The following TENM2 variants were observed in gnomAD, a reference collection of about 807,000 sequenced individuals.
TENM2 encodes the protein teneurin-2.
Under a neutral mutation model 245.2 loss-of-function variants are expected in TENM2, and 52 were observed. The observed-to-expected ratio is 0.21, with a 90% confidence interval of 0.17 to 0.27. The LOEUF (loss-of-function observed/expected upper bound fraction) is 0.27. Among genes scored for constraint, TENM2 ranks in the 10% least tolerant of loss-of-function variants. The pLI is 1.00. For synonymous variants in TENM2, 1,363 were observed against 1,438.9 expected (o/e 0.95, Z 1.19); for missense variants, 3,046 against 3,666.8 (o/e 0.83, Z 4.37).
intron 2 of TENM2, among the ~76,000 whole-genome samples, chr5:167,569,568 C>T (rs768098192): frequency 3.9e-5 from 6 of 152,054 alleles, no homozygotes; most frequent in Non-Finnish European, 5.9e-5. Context: ...TGTGTGATGT[C>T]GGGTAAGTTA....
intron 2 of TENM2, among the ~76,000 whole-genome samples, chr5:167,560,198 G>T (rs1283298647): frequency 6.6e-6 from 1 of 152,150 alleles, no homozygotes; most frequent in Admixed American, 6.5e-5. Flanking sequence ...ATCAAAACCT[G>T]CATTTTAACA....
intron 3 of TENM2, among the ~76,000 whole-genome samples, chr5:167,942,160 A>G (rs1200919012): frequency 6.6e-6 from 1 of 152,158 alleles, no homozygotes; most frequent in Non-Finnish European, 1.5e-5. Flanking sequence ...GTAAGCCAAG[A>G]TGGCGCCACT....
chr5:167,390,524 C>T (rs1195935023), intron 2 of TENM2, among the ~76,000 whole-genome samples: 3 of 152,084 alleles, frequency 2.0e-5, no homozygotes, highest in East Asian at 3.9e-4. Context: ...ACAGTGGTGG[C>T]CCTGCTATTG....
intron 2 of TENM2, among the ~76,000 whole-genome samples, chr5:167,465,241 A>G (rs533596550): frequency 1.3e-5 from 2 of 152,360 alleles, no homozygotes; most frequent in East Asian, 3.9e-4. Context: ...GCATTCTAAT[A>G]TGGCTTTTTT....
At chr5:167,098,680 G>A in the TENM2 span, among the ~76,000 whole-genome samples, 45 of 152,206 alleles carry the variant, frequency 3.0e-4, no homozygotes, top group East Asian at 8.5e-3. Context: ...GCCCCTTAAG[G>A]AGGGAATGGT....
In TENM2 at chr5:168,247,563, C is replaced by T. The variant is rs753336919; in HGVS notation, c.6624C>T (p.Asp2208=). The change falls in exon 27 of 29, where the codon GAC becomes GAT. Residue 2208 remains aspartate (D), a synonymous_variant. Coordinates refer to ENST00000518659, the Ensembl canonical transcript of TENM2. The surrounding 1 kb of genome is among the most constrained non-coding windows in gnomAD (Gnocchi z 7.8). ...AGTACACCTATGACTACGATGGGGACGGGCAGCTCCAGAGCGTGGCCGTCA... is the reference window on the plus strand; with the variant it reads ...AGTACACCTATGACTACGATGGGGATGGGCAGCTCCAGAGCGTGGCCGTCA... 1.2e-5 allele frequency: 19 copies of T among 1,612,740 alleles called. No individual in the cohort carries two copies. In the East Asian group the frequency reaches 1.8e-4, roughly 15 times the overall value.
chr5:167,096,527 C>T, the TENM2 span, among the ~76,000 whole-genome samples: 1 of 152,166 alleles, frequency 6.6e-6, no homozygotes, highest in African/African-American at 2.4e-5. Context: ...AAGTCACTTC[C>T]TTCTGAGATT....
At chr5:168,023,583 G>A (rs1786352297) in intron 5 of TENM2, among the ~76,000 whole-genome samples, 1 of 152,170 alleles carries the variant, frequency 6.6e-6, no homozygotes, top group African/African-American at 2.4e-5. Flanking sequence ...AAATGGATGG[G>A]GTGTCGGAAA....
chr5:167,105,181 T>C, the TENM2 span, among the ~76,000 whole-genome samples: 1 of 152,200 alleles, frequency 6.6e-6, no homozygotes, highest in South Asian at 2.1e-4. Context: ...AGCATACTGA[T>C]GTAGTTTAAA....
In TENM2 at chr5:168,218,884, G is replaced by A. The variant is rs777756311; in HGVS notation, c.4993G>A (p.Gly1665Arg). The A allele has an allele frequency of 1.2e-6, 2 of 1,613,930 alleles. No homozygotes were observed. The highest frequency in any genetic ancestry group is 1.6e-4 in the Middle Eastern group (1 of 6,062). ...CATCACCCTCACCGTGGGCACCAAT[G>A]GAGGCCTCAAAGTCGTGTCCACACA... The change falls in exon 23 of 29, where the codon GGA becomes AGA. Residue 1665 changes from glycine (G) to arginine (R), a missense_variant. Coordinates refer to ENST00000518659, the Ensembl canonical transcript of TENM2. The surrounding 1 kb of genome is among the most constrained non-coding windows in gnomAD (Gnocchi z 5.2).
chr5:167,172,883 G>T, the TENM2 span, among the ~76,000 whole-genome samples: 10 of 152,062 alleles, frequency 6.6e-5, no homozygotes, highest in Non-Finnish European at 1.5e-5. Context: ...CCCTGGGAAA[G>T]TCTCTTCTCT....
intron 2 of TENM2, among the ~76,000 whole-genome samples, chr5:167,617,109 A>T (rs1348974341): frequency 6.6e-6 from 1 of 152,192 alleles, no homozygotes; most frequent in East Asian, 1.9e-4. Flanking sequence ...TATTTTTTCC[A>T]GTGGGTGCCC....
the TENM2 span, among the ~76,000 whole-genome samples, chr5:167,214,894 G>A: frequency 6.6e-6 from 1 of 152,156 alleles, no homozygotes; most frequent in Non-Finnish European, 1.5e-5. Flanking sequence ...TTTTCATCTT[G>A]TCCCTTTCTT....
chr5:167,858,066 T>A (rs1771256775), intron 2 of TENM2, among the ~76,000 whole-genome samples: 1 of 152,262 alleles, frequency 6.6e-6, no homozygotes, highest in African/African-American at 2.4e-5. Flanking sequence ...TAGATCATTC[T>A]ATGACTTTTG....
chr5:168,166,307 C>T (rs368783928), intron 13 of TENM2, among the ~76,000 whole-genome samples: 2 of 151,968 alleles, frequency 1.3e-5, no homozygotes, highest in Admixed American at 1.3e-4. Flanking sequence ...CCAAAGTGGA[C>T]TGGAAAAGAC....
chr5:167,497,624 G>A (rs1287312624), intron 2 of TENM2, among the ~76,000 whole-genome samples: 5 of 152,004 alleles, frequency 3.3e-5, no homozygotes, highest in Admixed American at 3.3e-4. Flanking sequence ...ACCCCCCGCA[G>A]TTTCAATTAG....
At chr5:167,291,883 A>G (rs1270453422) in intron 1 of TENM2, among the ~76,000 whole-genome samples, 3 of 152,310 alleles carry the variant, frequency 2.0e-5, no homozygotes, top group East Asian at 1.9e-4. Context: ...TCACACTGCT[A>G]ATAAAGACAT....
the TENM2 span, among the ~76,000 whole-genome samples, chr5:167,102,982 C>T: frequency 3.9e-4 from 60 of 152,202 alleles, no homozygotes; most frequent in East Asian, 2.7e-3. Context: ...TTCCTTGTAA[C>T]GATATTGCTT....
At chr5:167,172,505 A>C in the TENM2 span, among the ~76,000 whole-genome samples, 1 of 152,154 alleles carries the variant, frequency 6.6e-6, no homozygotes, top group African/African-American at 2.4e-5. Context: ...CCAAAGCCCT[A>C]GCTCTTGACT....
Sources: gnomAD v4.1 joint callset for allele counts (sites outside exome capture counted in the v4.1 genomes callset) on GRCh38, gnomAD v4.1.1 for gene constraint, Gnocchi (gnomAD v3.1) non-coding constraint, MANE v1.5 for transcripts, NCBI Gene and HGNC (gene_info 2026-07-23, HGNC 2026-07-21) for gene names.